CATSPERE: variants seen among roughly 807,000 people sequenced by gnomAD.
The protein encoded by CATSPERE is catsper channel auxiliary subunit epsilon, also known as cation channel sperm-associated auxiliary subunit epsilon.
In CATSPERE, 93 loss-of-function variants were observed where a neutral mutation model predicts 114.1. The observed-to-expected ratio is 0.81, with a 90% CI of 0.69 to 0.97. CATSPERE has a LOEUF of 0.97. CATSPERE is among the 50% of genes least tolerant of loss of function. CATSPERE has a pLI of 0.00. For synonymous variants in CATSPERE, 341 were observed against 384.1 expected (o/e 0.89, Z 1.31); for missense variants, 1,058 against 1,131.6 (o/e 0.93, Z 0.93).
chr1:244,586,819 G>A (rs947130407), intron 13 of CATSPERE, among the ~76,000 whole-genome samples: 1 of 152,146 alleles, frequency 6.6e-6, no homozygotes, highest in Non-Finnish European at 1.5e-5. Context: ...GAAGGTCAGG[G>A]GTCCTGGAGC....
At chr1:244,470,993 G>T (rs1304917672) in intron 2 of CATSPERE, among the ~76,000 whole-genome samples, 1 of 152,216 alleles carries the variant, frequency 6.6e-6, no homozygotes, top group Admixed American at 6.5e-5. Context: ...GTAAGTTAGT[G>T]CCTGCCTAGG....
At chr1:244,461,555 G>A (rs1666788388) in intron 1 of CATSPERE, 61 bp downstream of exon 1, 2 of 1,236,644 alleles carry the variant, frequency 1.6e-6, no homozygotes, top group Non-Finnish European at 2.1e-6. Context: ...CGGGGCAGGC[G>A]GGAGGGTCCT....
At chr1:244,492,682 A>G (rs1479645594) in intron 6 of CATSPERE, among the ~76,000 whole-genome samples, 2 of 151,942 alleles carry the variant, frequency 1.3e-5, no homozygotes, top group African/African-American at 4.8e-5. Context: ...ACATGATTGT[A>G]TATCTAGAAA....
intron 5 of CATSPERE, among the ~76,000 whole-genome samples, chr1:244,480,393 T>C (rs1471026772): frequency 1.3e-5 from 2 of 152,174 alleles, no homozygotes; most frequent in Admixed American, 6.5e-5. Context: ...TAAGGAACTG[T>C]AGTATGTGGA....
chr1:244,565,786 G>A (rs1663368639), intron 10 of CATSPERE, among the ~76,000 whole-genome samples: 4 of 152,090 alleles, frequency 2.6e-5, no homozygotes, highest in Admixed American at 2.6e-4. Flanking sequence ...CAAAAAACCA[G>A]CTCCTGGATT....
chr1:244,494,902 T>C (rs1672855283), intron 6 of CATSPERE, among the ~76,000 whole-genome samples: 2 of 152,290 alleles, frequency 1.3e-5, no homozygotes, highest in African/African-American at 4.8e-5. Context: ...GAATTATTTT[T>C]TGAGGCTACA....
intron 20 of CATSPERE, among the ~76,000 whole-genome samples, chr1:244,634,806 G>A (rs1280573839): frequency 1.3e-5 from 2 of 152,228 alleles, no homozygotes; most frequent in Admixed American, 6.5e-5. Flanking sequence ...GCATGTAAGC[G>A]TTTGGCATGC....
At chr1:244,599,058 T>C (rs545750644) in intron 17 of CATSPERE, among the ~76,000 whole-genome samples, 1 of 152,282 alleles carries the variant, frequency 6.6e-6, no homozygotes, top group African/African-American at 2.4e-5. Context: ...TTTGCCGCCG[T>C]GTCTGGGAAA....
chr1:244,547,697 A>C (rs1362172962), intron 8 of CATSPERE, among the ~76,000 whole-genome samples: 1 of 152,190 alleles, frequency 6.6e-6, no homozygotes, highest in Non-Finnish European at 1.5e-5. Context: ...CACAAAAATA[A>C]AAGGGAAGGA....
At chr1:244,494,725 T>A (rs1034353133) in intron 6 of CATSPERE, among the ~76,000 whole-genome samples, 3 of 152,088 alleles carry the variant, frequency 2.0e-5, no homozygotes, top group Non-Finnish European at 4.4e-5. Flanking sequence ...AAGGTTATAA[T>A]ATTTGGAAAT....
chr1:244,472,827 T>C (rs888950338), intron 2 of CATSPERE, among the ~76,000 whole-genome samples: 13 of 152,198 alleles, frequency 8.5e-5, no homozygotes, highest in Non-Finnish European at 2.9e-5. Flanking sequence ...CTTTTAACTG[T>C]CTCCATAGTT....
At chr1:244,619,866 C>T (rs1404301506) in intron 20 of CATSPERE, among the ~76,000 whole-genome samples, 1 of 152,030 alleles carries the variant, frequency 6.6e-6, no homozygotes, top group Non-Finnish European at 1.5e-5. Context: ...CAACAAAAAG[C>T]CAGACAATAC....
At chr1:244,542,996 C>A (rs1659105529) in intron 8 of CATSPERE, among the ~76,000 whole-genome samples, 1 of 152,176 alleles carries the variant, frequency 6.6e-6, no homozygotes, top group South Asian at 2.1e-4. Flanking sequence ...TAAAAAGTAT[C>A]CCTGGTACGT....
rs552604863 is a variant in CATSPERE at position 244,606,652 on chromosome 1, A to T, written c.2403+858A>T. On this transcript the variant is annotated intron_variant, in intron 18 of 21. Coordinates refer to ENST00000366534, the MANE Select transcript of CATSPERE (RefSeq NM_001130957.2). ...AGTCTCGCTCTGTTGCCCAGGCTGG[A>T]GTGCAGTGGTGCAGTCTCAGTTCAC... Among the ~76,000 whole-genome samples the T allele has an allele frequency of 5.2e-5, 7 of 134,402 alleles. No individual in the cohort carries two copies. The South Asian group carries it at 1.6e-3, about 31-fold the overall frequency. The allele number at this position is 134,402 out of a possible 152,430, so 88.2% of individuals were successfully genotyped here.
intron 8 of CATSPERE, among the ~76,000 whole-genome samples, chr1:244,529,596 T>C (rs1049686894): frequency 1.3e-5 from 2 of 152,172 alleles, no homozygotes; most frequent in Non-Finnish European, 2.9e-5. Flanking sequence ...TTTGCAAATA[T>C]TTTCCCCCAT....
chr1:244,546,641 T>C (rs1659800074), intron 8 of CATSPERE, among the ~76,000 whole-genome samples: 1 of 152,064 alleles, frequency 6.6e-6, no homozygotes, highest in African/African-American at 2.4e-5. Context: ...TTAACAGAGA[T>C]TGATTTTTTT....
intron 6 of CATSPERE, among the ~76,000 whole-genome samples, chr1:244,498,695 T>G (rs1346213819): frequency 6.6e-6 from 1 of 151,972 alleles, no homozygotes; most frequent in Non-Finnish European, 1.5e-5. Flanking sequence ...GTCAGGAGTT[T>G]GAGACCAACC....
chr1:244,500,979 A>C (rs979884592), intron 7 of CATSPERE, among the ~76,000 whole-genome samples: 8 of 152,238 alleles, frequency 5.3e-5, no homozygotes, highest in African/African-American at 1.7e-4. Flanking sequence ...ATCCATGAGC[A>C]TGGAATTTTT....
chr1:244,461,636 A>C, intron 1 of CATSPERE, 142 bp downstream of exon 1: 1 of 562,070 alleles, frequency 1.8e-6, no homozygotes, highest in Non-Finnish European at 2.7e-6. Context: ...GCTCCCCAAC[A>C]CCAGCCCCAG....
Sources: allele counts gnomAD v4.1 joint callset (sites outside exome capture counted in the v4.1 genomes callset), GRCh38; gene constraint gnomAD v4.1.1; transcripts MANE v1.5; gene names NCBI Gene and HGNC (gene_info 2026-07-23, HGNC 2026-07-21).